EDNRB: variants seen among roughly 807,000 people sequenced by gnomAD.
EDNRB encodes Hirschsprung disease 2.
EDNRB carries 18 observed loss-of-function variants against 46.4 expected under a neutral mutation model. The ratio of observed to expected loss-of-function variants is 0.39; its 90% CI spans 0.27 to 0.57. The LOEUF (loss-of-function observed/expected upper bound fraction) is 0.57, where lower values mean the gene tolerates loss of function less well. EDNRB is among the 20% of genes least tolerant of loss of function. The pLI is 0.61. For synonymous variants in EDNRB, 213 were observed against 204.9 expected (o/e 1.04, Z -0.34); for missense variants, 434 against 537.5 (o/e 0.81, Z 1.90).
chr13:77,896,475 T>C lies in EDNRB; in HGVS notation c.*1725A>G, dbSNP rs912231842. 6.3e-7 allele frequency: 1 copy of C among 1,578,814 alleles called. No individual in the cohort carries two copies. The highest frequency in any genetic ancestry group is 1.3e-5 in the African/African-American group (1 of 74,554). ...TATTGCTCTTTCTTTCTGGCCACAT[T>C]GTTGGGTTTTGGTTTACTGTACCAT... On this transcript the variant is annotated 3_prime_UTR_variant, in exon 7 of 7. Coordinates refer to ENST00000646607, the MANE Select transcript of EDNRB (RefSeq NM_001122659.3).
intron 1 of EDNRB, among the ~76,000 whole-genome samples, chr13:77,949,836 C>T (rs1479153122): frequency 6.6e-6 from 1 of 152,114 alleles, no homozygotes. Flanking sequence ...CTAGATTTTC[C>T]TCTTTGCCCT....
At chr13:77,924,499 C>T (rs1223401627), upstream of EDNRB, among the ~76,000 whole-genome samples, 2 of 152,072 alleles carry the variant, frequency 1.3e-5, no homozygotes, top group Non-Finnish European at 2.9e-5. Context: ...ATGGGAAATC[C>T]AAGAAGCGGT....
intron 1 of EDNRB, among the ~76,000 whole-genome samples, chr13:77,908,780 T>C (rs1879419399): frequency 6.6e-6 from 1 of 152,038 alleles, no homozygotes; most frequent in African/African-American, 2.4e-5. Flanking sequence ...ATCAAAAGGC[T>C]GTCTCTCTGA....
chr13:77,973,937 CTT>C (rs56943468), intron 1 of EDNRB, among the ~76,000 whole-genome samples: 60 of 143,354 alleles, frequency 4.2e-4, no homozygotes, highest in African/African-American at 8.7e-4. Context: ...CCCTTTTTTC[CTT>C]TTTTTTTTTT....
At chr13:77,936,592 T>C (rs928531470) in intron 1 of EDNRB, among the ~76,000 whole-genome samples, 2 of 152,338 alleles carry the variant, frequency 1.3e-5, no homozygotes, top group African/African-American at 4.8e-5. Flanking sequence ...AGTCTTCAGC[T>C]GCTAAGCCGA....
At chr13:77,900,400 C>G in intron 5 of EDNRB, 121 bp downstream of exon 5, 1 of 1,428,170 alleles carries the variant, frequency 7.0e-7, no homozygotes, top group Non-Finnish European at 9.7e-7. Flanking sequence ...AATTGGGAGT[C>G]TCCATGACTT....
At chr13:77,930,437 T>C (rs1024191646) in intron 1 of EDNRB, among the ~76,000 whole-genome samples, 1 of 152,246 alleles carries the variant, frequency 6.6e-6, no homozygotes, top group Non-Finnish European at 1.5e-5. Flanking sequence ...GTATCAGTTT[T>C]AATTATTACT....
chr13:77,972,571 C>T (rs1044425847), intron 1 of EDNRB, among the ~76,000 whole-genome samples: 10 of 152,088 alleles, frequency 6.6e-5, no homozygotes, highest in African/African-American at 2.2e-4. Context: ...CGAAATCTCC[C>T]CCGATTAAAC....
chr13:77,956,049 A>T (rs897258819), intron 1 of EDNRB, among the ~76,000 whole-genome samples: 1 of 152,078 alleles, frequency 6.6e-6, no homozygotes, highest in African/African-American at 2.4e-5. Context: ...GATTTTTTCT[A>T]TTTCTGTAAA....
intron 1 of EDNRB, among the ~76,000 whole-genome samples, chr13:77,912,212 C>T (rs1207546725): frequency 6.6e-6 from 1 of 152,052 alleles, no homozygotes; most frequent in Non-Finnish European, 1.5e-5. Flanking sequence ...GATAGATAAG[C>T]CTTACCATAT....
intron 1 of EDNRB, among the ~76,000 whole-genome samples, chr13:77,936,313 G>A (rs547413281): frequency 6.6e-6 from 1 of 152,244 alleles, no homozygotes; most frequent in Admixed American, 6.5e-5. Flanking sequence ...TAAGGGAACT[G>A]GGCAGGTGGG....
upstream of EDNRB, among the ~76,000 whole-genome samples, chr13:77,922,633 T>C (rs1387625857): frequency 6.6e-6 from 1 of 152,204 alleles, no homozygotes; most frequent in Non-Finnish European, 1.5e-5. Context: ...TTAAAGTGAC[T>C]GCAAAAGTCA....
intron 1 of EDNRB, among the ~76,000 whole-genome samples, chr13:77,950,859 C>T (rs1253179975): frequency 1.3e-5 from 2 of 152,264 alleles, no homozygotes; most frequent in African/African-American, 2.4e-5. Context: ...AGAATACATC[C>T]TACTGGTGAG....
chr13:77,912,044 A>T (rs1394383083), intron 1 of EDNRB, among the ~76,000 whole-genome samples: 1 of 152,114 alleles, frequency 6.6e-6, no homozygotes, highest in Non-Finnish European at 1.5e-5. Flanking sequence ...CTACACAGAG[A>T]TACCCTTATA....
At chr13:77,906,121 G>A (rs1879264640) in intron 1 of EDNRB, among the ~76,000 whole-genome samples, 1 of 151,884 alleles carries the variant, frequency 6.6e-6, no homozygotes, top group Non-Finnish European at 1.5e-5. Context: ...GAGGTAGCTA[G>A]CAGGACTTGC....
chr13:77,914,231 C>T (rs1235708117), intron 1 of EDNRB, among the ~76,000 whole-genome samples: 3 of 152,158 alleles, frequency 2.0e-5, no homozygotes, highest in African/African-American at 4.8e-5. Context: ...TATGTACAAA[C>T]ATGTCGTTTG....
intron 1 of EDNRB, among the ~76,000 whole-genome samples, chr13:77,964,542 A>G (rs1346104677): frequency 1.3e-5 from 2 of 152,080 alleles, no homozygotes; most frequent in Non-Finnish European, 2.9e-5. Flanking sequence ...AAAACCAAAC[A>G]CCGCATGTTC....
chr13:77,941,274 A>G (rs562835392), intron 1 of EDNRB, among the ~76,000 whole-genome samples: 22 of 152,364 alleles, frequency 1.4e-4, no homozygotes, highest in African/African-American at 4.6e-4. Flanking sequence ...GTTCAGTGTG[A>G]TAAGAATTAA....
intron 1 of EDNRB, among the ~76,000 whole-genome samples, chr13:77,938,782 T>G (rs1436275480): frequency 6.6e-6 from 1 of 151,992 alleles, no homozygotes; most frequent in African/African-American, 2.4e-5. Flanking sequence ...AGAAAGTGGT[T>G]GAGGGATAGT....
Sources: allele counts gnomAD v4.1 joint callset (sites outside exome capture counted in the v4.1 genomes callset), GRCh38; gene constraint gnomAD v4.1.1; transcripts MANE v1.5; gene names NCBI Gene and HGNC (gene_info 2026-07-23, HGNC 2026-07-21).